The following PTPRG variants were observed in gnomAD, a reference collection of about 807,000 sequenced individuals.
PTPRG encodes receptor-type tyrosine-protein phosphatase gamma.
Under a neutral mutation model 165.3 loss-of-function variants are expected in PTPRG, and 102 were observed. That is an observed-to-expected ratio of 0.62 (90% confidence interval 0.53 to 0.73). PTPRG has a LOEUF of 0.73. Among genes scored for constraint, PTPRG ranks in the 30% least tolerant of loss-of-function variants. PTPRG has a pLI of 0.00. For synonymous variants in PTPRG, 675 were observed against 669.5 expected, an observed-to-expected ratio of 1.01 and a Z score of -0.13; for missense variants, 1,866 against 1,861.4, an observed-to-expected ratio of 1.00 and a Z score of -0.05.
At chr3:62,129,805 A>G (rs1703447458) in intron 5 of PTPRG, among the ~76,000 whole-genome samples, 1 of 152,200 alleles carries the variant, frequency 6.6e-6, no homozygotes, top group Admixed American at 6.5e-5. Flanking sequence ...AGATCAGAGT[A>G]TCTGAGAAAC....
intron 2 of PTPRG, among the ~76,000 whole-genome samples, chr3:61,960,551 G>T (rs1188174366): frequency 6.6e-6 from 1 of 152,090 alleles, no homozygotes; most frequent in African/African-American, 2.4e-5. Context: ...TGATCAATGG[G>T]ATCTGTCTTG....
intron 2 of PTPRG, chr3:61,771,160 A>G (rs1434503177): frequency 1.3e-5 from 2 of 152,302 alleles, no homozygotes; most frequent in Non-Finnish European, 1.5e-5. Context: ...AATGTCTTCA[A>G]AAAAATCAGA....
intron 4 of PTPRG, among the ~76,000 whole-genome samples, chr3:62,004,137 A>G (rs915333855): frequency 1.3e-5 from 2 of 152,158 alleles, no homozygotes; most frequent in African/African-American, 4.8e-5. Context: ...CAACTCCTTT[A>G]TTAATGTTGA....
intron 10 of PTPRG, among the ~76,000 whole-genome samples, chr3:62,200,473 G>T (rs563326453): frequency 6.6e-6 from 1 of 151,906 alleles, no homozygotes; most frequent in Non-Finnish European, 1.5e-5. Flanking sequence ...GTTTCATCAT[G>T]TTGGCCAGGA....
intron 2 of PTPRG, among the ~76,000 whole-genome samples, chr3:61,930,042 T>A (rs986516179): frequency 6.8e-6 from 1 of 146,712 alleles, no homozygotes; most frequent in Non-Finnish European, 1.5e-5. Context: ...AATGCGGTAT[T>A]TTTTTTTTTT....
At chr3:61,968,861 T>A (rs537528119) in intron 2 of PTPRG, among the ~76,000 whole-genome samples, 1 of 152,322 alleles carries the variant, frequency 6.6e-6, no homozygotes, top group Non-Finnish European at 1.5e-5. Flanking sequence ...GTTGGTCAAC[T>A]TTAAAGAACA....
intron 5 of PTPRG, among the ~76,000 whole-genome samples, chr3:62,105,058 A>C (rs574060262): frequency 7.0e-4 from 57 of 81,062 alleles, no homozygotes; most frequent in African/African-American, 2.1e-3. Flanking sequence ...TTCAGGCAAG[A>C]AACGCCTCAG....
intron 6 of PTPRG, among the ~76,000 whole-genome samples, chr3:62,145,806 G>T (rs1704098904): frequency 6.6e-6 from 1 of 152,230 alleles, no homozygotes; most frequent in Non-Finnish European, 1.5e-5. Context: ...TGAGGTTTTA[G>T]AGAGATGAGC....
intron 6 of PTPRG, among the ~76,000 whole-genome samples, chr3:62,134,225 G>T (rs2106931453): frequency 6.6e-6 from 1 of 152,240 alleles, no homozygotes; most frequent in Admixed American, 6.5e-5. Flanking sequence ...CCCGGGGTGT[G>T]GTTTCAACCC....
At chr3:62,281,122 TAC>T (rs924388177) in intron 26 of PTPRG, among the ~76,000 whole-genome samples, 56 of 152,200 alleles carry the variant, frequency 3.7e-4, no homozygotes, top group African/African-American at 3.1e-4. Flanking sequence ...CAAGAAAACT[TAC>T]AGTGTTTATG....
intron 2 of PTPRG, among the ~76,000 whole-genome samples, chr3:61,806,560 C>T (rs1057198396): frequency 4.6e-5 from 7 of 151,340 alleles, no homozygotes; most frequent in Non-Finnish European, 1.0e-4. Flanking sequence ...TTTTGTACTT[C>T]TGGATTTATA....
In PTPRG at chr3:61,826,904, A is replaced by G. The variant is rs960535299; in HGVS notation, c.190+77922A>G. ...CCTGAAATCATTTGGTGATTGAAGT[A>G]GTAATTACTATGCTTCTAGAAATAT... is the stretch of plus-strand genomic sequence containing the variant. On this transcript the variant is annotated intron_variant, in intron 2 of 29. Transcript: ENST00000474889. Among the ~76,000 whole-genome samples, 4 of 150,454 alleles carry G rather than the reference A, an allele frequency of 2.7e-5. No homozygotes were observed. The East Asian group carries it at 7.8e-4, about 29-fold the overall frequency.
At chr3:61,690,472 C>T (rs1252456452) in intron 1 of PTPRG, among the ~76,000 whole-genome samples, 4 of 152,150 alleles carry the variant, frequency 2.6e-5, no homozygotes, top group African/African-American at 7.2e-5. Flanking sequence ...ATCACCTGGA[C>T]GTCTGATACA....
intron 2 of PTPRG, among the ~76,000 whole-genome samples, chr3:61,929,870 T>C (rs2039315499): frequency 6.6e-6 from 1 of 152,212 alleles, no homozygotes; most frequent in Non-Finnish European, 1.5e-5. Context: ...CTTTATTTCA[T>C]TTGTACCATA....
At chr3:61,820,603 GTTTTTTTTTTTTTTT>G (rs11329820) in intron 2 of PTPRG, among the ~76,000 whole-genome samples, 20 of 65,732 alleles carry the variant, frequency 3.0e-4, no homozygotes, top group African/African-American at 1.2e-3. Context: ...CTGTGTCTCT[GTTTTTTTTTTTTTTT>G]TTTTTTTTTT....
intron 5 of PTPRG, among the ~76,000 whole-genome samples, chr3:62,079,872 A>G (rs1701506275): frequency 6.6e-6 from 1 of 152,186 alleles, no homozygotes; most frequent in African/African-American, 2.4e-5. Flanking sequence ...TAATTAAAGG[A>G]CTTCCTAGTA....
At chr3:62,044,039 C>T (rs1019202849) in intron 4 of PTPRG, among the ~76,000 whole-genome samples, 2 of 152,222 alleles carry the variant, frequency 1.3e-5, no homozygotes, top group Admixed American at 1.3e-4. Context: ...ATGGAGTCAG[C>T]ACCCTCTTTG....
At chr3:62,122,033 G>C (rs530978846) in intron 5 of PTPRG, among the ~76,000 whole-genome samples, 1 of 152,118 alleles carries the variant, frequency 6.6e-6, no homozygotes, top group East Asian at 1.9e-4. Context: ...TGTCCTCCTC[G>C]AGATGGGGCT....
At chr3:61,972,774 T>C (rs1435028196) in intron 2 of PTPRG, among the ~76,000 whole-genome samples, 2 of 151,530 alleles carry the variant, frequency 1.3e-5, no homozygotes, top group Non-Finnish European at 2.9e-5. Context: ...CACCTTAGAC[T>C]CCTGAGTAGC....
Sources: gnomAD v4.1 joint callset for allele counts (sites outside exome capture counted in the v4.1 genomes callset) on GRCh38, gnomAD v4.1.1 for gene constraint, MANE v1.5 for transcripts, NCBI Gene and HGNC (gene_info 2026-07-23, HGNC 2026-07-21) for gene names.